The following LUZP2 variants were observed in gnomAD, a reference collection of about 807,000 sequenced individuals.
LUZP2 encodes the protein leucine zipper protein 2.
In LUZP2, 52 loss-of-function variants were observed where a neutral mutation model predicts 51.6. The observed-to-expected ratio is 1.01, with a 90% CI of 0.81 to 1.27. LUZP2 has a LOEUF of 1.27. Ranked by LOEUF, LUZP2 falls within the 50% of genes most tolerant of loss-of-function variation. LUZP2 has a pLI of 0.00. For missense variants in LUZP2, 436 were observed against 395.4 expected (o/e 1.10, Z -0.87); for synonymous variants, 154 against 137.3 (o/e 1.12, Z -0.85).
At chr11:24,728,130 C>T (rs892628226) in intron 1 of LUZP2, among the ~76,000 whole-genome samples, 6 of 151,988 alleles carry the variant, frequency 3.9e-5, no homozygotes, top group Admixed American at 3.3e-4. Flanking sequence ...GAATTTGAGC[C>T]GTTTTCCCAC....
intron 1 of LUZP2, among the ~76,000 whole-genome samples, chr11:24,557,175 A>G (rs947843463): frequency 2.6e-5 from 4 of 152,072 alleles, no homozygotes; most frequent in Non-Finnish European, 5.9e-5. Flanking sequence ...TTGCCTTCAC[A>G]CTGCAGGTGC....
At chr11:24,732,296 A>G in intron 3 of LUZP2, 108 bp downstream of exon 3, 1 of 770,252 alleles carries the variant, frequency 1.3e-6, no homozygotes, top group Non-Finnish European at 2.0e-6. Context: ...TTATCTTTTC[A>G]CTTATACTTA....
intron 5 of LUZP2, among the ~76,000 whole-genome samples, chr11:24,827,089 TA>T (rs1850566135): frequency 1.5e-5 from 1 of 64,634 alleles, no homozygotes; most frequent in Non-Finnish European, 4.3e-5. Flanking sequence ...AAGAAATACA[TA>T]GTGTGGGTTT....
chr11:24,836,650 T>C (rs531393654), intron 5 of LUZP2, among the ~76,000 whole-genome samples: 4 of 151,812 alleles, frequency 2.6e-5, no homozygotes, highest in Non-Finnish European at 5.9e-5. Context: ...TAGCCAAAGT[T>C]AAGAGATACT....
At chr11:24,499,608 G>A (rs1193140836) in intron 1 of LUZP2, among the ~76,000 whole-genome samples, 2 of 152,166 alleles carry the variant, frequency 1.3e-5, no homozygotes, top group Non-Finnish European at 2.9e-5. Context: ...AGTCCTGTAT[G>A]TGAAGCAAAT....
intron 1 of LUZP2, among the ~76,000 whole-genome samples, chr11:24,601,972 G>GTA (rs1853672608): frequency 7.3e-5 from 8 of 110,164 alleles, no homozygotes; most frequent in African/African-American, 3.5e-4. Context: ...GTATATATGT[G>GTA]TATATGTATA....
chr11:24,739,995 C>T (rs1391406346), intron 4 of LUZP2, among the ~76,000 whole-genome samples: 4 of 152,088 alleles, frequency 2.6e-5, no homozygotes, highest in African/African-American at 9.7e-5. Context: ...TCCCTCCTCC[C>T]AACACCGGAC....
intron 10 of LUZP2, among the ~76,000 whole-genome samples, chr11:25,056,826 C>T (rs1258913001): frequency 3.3e-5 from 5 of 152,104 alleles, no homozygotes; most frequent in South Asian, 2.1e-4. Flanking sequence ...AATTGCCGGG[C>T]GCCGTGGCTC....
Position 24,601,910 on chromosome 11 carries a change from ATG to A in LUZP2, c.62+104607_62+104608del, listed in dbSNP as rs1159389938. Reference sequence around the variant, plus strand: ...TATGTATATATGTATATATGTATATATGTATATATGTATATATATGTATATAT... The same window carrying A: ...TATGTATATATGTATATATGTATATATATATATGTATATATATGTATATAT... On this transcript the variant is annotated intron_variant, in intron 1 of 11. Transcript: ENST00000336930. 1.6e-4 allele frequency among the ~76,000 whole-genome samples: 20 copies of A among 122,620 alleles called. No homozygotes were observed. In the East Asian group the frequency reaches 3.5e-3, roughly 22 times the overall value. The allele number at this position is 122,620 out of a possible 152,430, so 80.4% of individuals were successfully genotyped here.
chr11:24,917,396 T>G (rs1284969549), intron 7 of LUZP2, among the ~76,000 whole-genome samples: 2 of 152,184 alleles, frequency 1.3e-5, no homozygotes, highest in African/African-American at 4.8e-5. Flanking sequence ...GTTTTAGACA[T>G]GAAGTCCTTG....
chr11:24,960,287 C>T (rs1590776451), intron 7 of LUZP2, among the ~76,000 whole-genome samples: 1 of 152,154 alleles, frequency 6.6e-6, no homozygotes, highest in East Asian at 1.9e-4. Context: ...GGAGGATTCC[C>T]TCTTTTTCTA....
At chr11:24,507,523 GT>G (rs1850178900) in intron 1 of LUZP2, among the ~76,000 whole-genome samples, 2 of 152,032 alleles carry the variant, frequency 1.3e-5, no homozygotes, top group Admixed American at 1.3e-4. Context: ...CAAATAAATT[GT>G]GTAAAATATT....
At chr11:24,548,926 T>G (rs1334158229) in intron 1 of LUZP2, among the ~76,000 whole-genome samples, 1 of 151,928 alleles carries the variant, frequency 6.6e-6, no homozygotes, top group Non-Finnish European at 1.5e-5. Context: ...ATACTTTTCT[T>G]CTCAATTTTA....
intron 5 of LUZP2, among the ~76,000 whole-genome samples, chr11:24,843,731 G>A (rs890009235): frequency 6.6e-6 from 1 of 152,116 alleles, no homozygotes; most frequent in African/African-American, 2.4e-5. Context: ...CATGGGAGGT[G>A]CCTGGTGAGA....
At chr11:24,960,217 T>C (rs1855350099) in intron 7 of LUZP2, among the ~76,000 whole-genome samples, 1 of 152,326 alleles carries the variant, frequency 6.6e-6, no homozygotes, top group East Asian at 1.9e-4. Context: ...TTCTCTTTTT[T>C]TGTTGTGTCT....
At chr11:24,814,890 G>A (rs867490688) in intron 5 of LUZP2, among the ~76,000 whole-genome samples, 8 of 152,056 alleles carry the variant, frequency 5.3e-5, no homozygotes, top group Middle Eastern at 6.8e-3. Context: ...TACTCGGGAG[G>A]CTGAGGCAGG....
chr11:24,665,357 T>C (rs963190495), intron 1 of LUZP2, among the ~76,000 whole-genome samples: 5 of 152,172 alleles, frequency 3.3e-5, no homozygotes, highest in Non-Finnish European at 5.9e-5. Flanking sequence ...CATAGGTCTG[T>C]AGGATTGCCT....
intron 5 of LUZP2, among the ~76,000 whole-genome samples, chr11:24,860,847 G>C (rs1851720191): frequency 6.6e-6 from 1 of 152,082 alleles, no homozygotes; most frequent in South Asian, 2.1e-4. Flanking sequence ...ACAAAGATAA[G>C]ACAGAATCAA....
chr11:24,631,059 A>G (rs2133926231), intron 1 of LUZP2, among the ~76,000 whole-genome samples: 1 of 152,092 alleles, frequency 6.6e-6, no homozygotes, highest in South Asian at 2.1e-4. Context: ...CTACAATTTT[A>G]TCAAATTCAT....
Sources: gnomAD v4.1 joint callset for allele counts (sites outside exome capture counted in the v4.1 genomes callset) on GRCh38, gnomAD v4.1.1 for gene constraint, MANE v1.5 for transcripts, NCBI Gene and HGNC (gene_info 2026-07-23, HGNC 2026-07-21) for gene names.